Variants in ADGRL2 observed in about 807,000 individuals in gnomAD.
The protein encoded by ADGRL2 is calcium-independent alpha-latrotoxin receptor 2.
A neutral mutation model predicts 157.4 loss-of-function variants in ADGRL2; 44 were observed. The observed-to-expected ratio is 0.28, with a 90% CI of 0.22 to 0.36. The LOEUF (loss-of-function observed/expected upper bound fraction) is 0.36. Ranked by LOEUF, ADGRL2 falls within the 10% of genes least tolerant of loss-of-function variation. The pLI is 1.00. For missense variants in ADGRL2, 1,510 were observed against 1,768.9 expected (o/e 0.85, Z 2.63); for synonymous variants, 585 against 624.7 (o/e 0.94, Z 0.95).
rs923444833 is a variant in ADGRL2, at chr1:81,993,581, T to C, written c.*2436T>C. ...GATTCAATTTGGAAGCCATCATTGA[T>C]CTTTGGCATCAAAAGAAAAGTCATT... On this transcript the variant is annotated 3_prime_UTR_variant, in exon 24 of 24. Transcript: ENST00000686636. Among the ~76,000 whole-genome samples, 4 of 152,200 alleles carry C rather than the reference T, an allele frequency of 2.6e-5. No homozygotes were observed. The highest frequency in any genetic ancestry group is 9.7e-5 in the African/African-American group (4 of 41,448).
chr1:81,703,432 T>G (rs1039726469), intron 1 of ADGRL2, among the ~76,000 whole-genome samples: 1 of 152,104 alleles, frequency 6.6e-6, no homozygotes, highest in African/African-American at 2.4e-5. Flanking sequence ...CTGTTGTTGT[T>G]GTTGTTGTTG....
intron 2 of ADGRL2, among the ~76,000 whole-genome samples, chr1:81,527,642 G>T (rs998163992): frequency 6.6e-6 from 1 of 152,038 alleles, no homozygotes; most frequent in South Asian, 2.1e-4. Context: ...AACCCGGGAG[G>T]CGGAGGTTGC....
chr1:81,859,926 T>C (rs1458199315), intron 2 of ADGRL2, among the ~76,000 whole-genome samples: 2 of 152,034 alleles, frequency 1.3e-5, no homozygotes, highest in Non-Finnish European at 2.9e-5. Flanking sequence ...CTGTTTTTTT[T>C]TTCCCCCATA....
intron 1 of ADGRL2, among the ~76,000 whole-genome samples, chr1:81,832,049 A>T (rs536853042): frequency 6.6e-6 from 1 of 152,308 alleles, no homozygotes; most frequent in South Asian, 2.1e-4. Context: ...TTCAGACAAC[A>T]CAGAAGTTAG....
chr1:81,725,002 G>A (rs1300383114), intron 1 of ADGRL2, among the ~76,000 whole-genome samples: 1 of 151,752 alleles, frequency 6.6e-6, no homozygotes, highest in African/African-American at 2.4e-5. Context: ...TCAGGAGTTT[G>A]AGACCAGCCT....
intron 1 of ADGRL2, among the ~76,000 whole-genome samples, chr1:81,815,715 T>A (rs1267892210): frequency 6.6e-6 from 1 of 151,808 alleles, no homozygotes; most frequent in Non-Finnish European, 1.5e-5. Flanking sequence ...AATACTGTAG[T>A]TACTCCCTCA....
chr1:81,381,872 C>T (rs543894765), intron 1 of ADGRL2, among the ~76,000 whole-genome samples: 16 of 152,222 alleles, frequency 1.1e-4, no homozygotes, highest in African/African-American at 3.6e-4. Flanking sequence ...CCCTAAAGTC[C>T]TGTTCCATAA....
chr1:81,674,688 T>C (rs2082947886), intron 3 of ADGRL2, among the ~76,000 whole-genome samples: 1 of 152,302 alleles, frequency 6.6e-6, no homozygotes, highest in East Asian at 1.9e-4. Context: ...GAATGCAGTT[T>C]CTTAAAAGGA....
At chr1:81,658,456 T>C (rs1435181602) in intron 3 of ADGRL2, among the ~76,000 whole-genome samples, 2 of 152,176 alleles carry the variant, frequency 1.3e-5, no homozygotes, top group African/African-American at 4.8e-5. Flanking sequence ...AAGTGTACTT[T>C]TGTTACACAG....
At chr1:81,659,983 G>A (rs1431366602) in intron 3 of ADGRL2, among the ~76,000 whole-genome samples, 3 of 151,954 alleles carry the variant, frequency 2.0e-5, no homozygotes, top group Admixed American at 6.6e-5. Flanking sequence ...AGAATCTATC[G>A]CCCCCCAAAT....
chr1:81,348,293 G>A (rs572376945), intron 1 of ADGRL2, among the ~76,000 whole-genome samples: 2 of 152,196 alleles, frequency 1.3e-5, no homozygotes, highest in South Asian at 2.1e-4. Context: ...ACACACTTGT[G>A]TACAAACACA....
At chr1:81,368,690 C>A (rs1365159963) in intron 1 of ADGRL2, among the ~76,000 whole-genome samples, 1 of 152,164 alleles carries the variant, frequency 6.6e-6, no homozygotes, top group East Asian at 1.9e-4. Flanking sequence ...GTCTGTTCTT[C>A]ACACTTTACA....
intron 3 of ADGRL2, among the ~76,000 whole-genome samples, chr1:81,634,063 A>G (rs903194239): frequency 2.6e-5 from 4 of 152,198 alleles, no homozygotes; most frequent in Non-Finnish European, 4.4e-5. Context: ...GCACTCCAAG[A>G]AAGAAGACTG....
At chr1:81,326,602 C>T (rs1397864399) in intron 1 of ADGRL2, among the ~76,000 whole-genome samples, 1 of 152,092 alleles carries the variant, frequency 6.6e-6, no homozygotes, top group Non-Finnish European at 1.5e-5. Flanking sequence ...AAGTGAACTA[C>T]ATACAAAAGA....
At chr1:81,401,995 GT>G (rs893025375) in intron 1 of ADGRL2, among the ~76,000 whole-genome samples, 1 of 152,112 alleles carries the variant, frequency 6.6e-6, no homozygotes, top group Non-Finnish European at 1.5e-5. Context: ...TTGTTTGTTT[GT>G]TTGTTTGTTT....
intron 1 of ADGRL2, among the ~76,000 whole-genome samples, chr1:81,317,124 A>G (rs893468538): frequency 6.6e-6 from 1 of 152,090 alleles, no homozygotes; most frequent in Non-Finnish European, 1.5e-5. Flanking sequence ...TACTGGTACT[A>G]TGGGCATCTA....
intron 2 of ADGRL2, among the ~76,000 whole-genome samples, chr1:81,866,889 G>T (rs896064086): frequency 6.6e-6 from 1 of 152,096 alleles, no homozygotes; most frequent in Admixed American, 6.6e-5. Flanking sequence ...GCATAAAATA[G>T]ATACTCTCTG....
In ADGRL2 at chr1:81,943,687, A is replaced by G. The variant is rs1322252928; in HGVS notation, c.1128A>G (p.Pro376=). Residue 376 remains proline, a synonymous_variant, in exon 6 of 24, where the codon CCA becomes CCG. Coordinates refer to ENST00000686636, the MANE Select transcript of ADGRL2 (RefSeq NM_001366006.2). The surrounding 1 kb of genome is among the most constrained non-coding windows in gnomAD (Gnocchi z 5.6). Reference sequence around the variant, plus strand: ...ATATTGCTGCAGTGGATTACAATCCAAGAGATAACCAACTTTACGTGTGGA... The same window carrying G: ...ATATTGCTGCAGTGGATTACAATCCGAGAGATAACCAACTTTACGTGTGGA... ...YQYIAAVDYN[P]RDNQLYVWNN... 1.2e-6 allele frequency: 2 copies of G among 1,613,662 alleles called. No homozygotes were observed. Among genetic ancestry groups the G allele is most frequent in the Admixed American group, 3.3e-5 (2 of 59,970 alleles).
rs1333422337 is a variant in ADGRL2 at position 81,990,490 on chromosome 1, A to G, written c.3755A>G (p.Asn1252Ser). ...NSYSLHKGDY[N>S]DSVQVVDCGL... ...TACTCGCTGCACAAGGGTGACTATA[A>G]TGACAGCGTGCAAGTTGTGGACTGT... Residue 1252 changes from asparagine (N) to serine (S), a missense_variant, in exon 24 of 24, where the codon AAT (asparagine) becomes AGT (serine). This residue lies in a region of ADGRL2 where 327 missense variants were observed against 310.1 expected (regional missense o/e 1.05). Coordinates refer to ENST00000686636, the MANE Select transcript of ADGRL2 (RefSeq NM_001366006.2). 1.5e-5 allele frequency: 25 copies of G among 1,614,104 alleles called. No homozygotes were observed. Among genetic ancestry groups the G allele is most frequent in the Non-Finnish European group, 2.1e-5 (25 of 1,179,972 alleles).
Sources: gnomAD v4.1 joint callset for allele counts (sites outside exome capture counted in the v4.1 genomes callset) on GRCh38, gnomAD v4.1.1 for gene constraint, gnomAD v4.1.1 regional missense constraint, Gnocchi (gnomAD v3.1) non-coding constraint, MANE v1.5 for transcripts, NCBI Gene and HGNC (gene_info 2026-07-23, HGNC 2026-07-21) for gene names.